Variants in PLEKHG1 observed in about 807,000 individuals in gnomAD.
PLEKHG1 encodes the protein pleckstrin homology and RhoGEF domain containing G1.
A neutral mutation model predicts 100.8 loss-of-function variants in PLEKHG1; 44 were observed. The observed-to-expected ratio is 0.44, with a 90% CI of 0.34 to 0.56. The LOEUF is 0.56. PLEKHG1 is among the 20% of genes least tolerant of loss of function. The probability of loss-of-function intolerance (pLI) is 0.01; values close to 1 mark genes in which losing one functional copy is unlikely to be tolerated. For synonymous variants in PLEKHG1, 640 were observed against 662.5 expected, an observed-to-expected ratio of 0.97 and a Z score of 0.52; for missense variants, 1,545 against 1,720.9, an observed-to-expected ratio of 0.90 and a Z score of 1.81.
intron 1 of PLEKHG1, among the ~76,000 whole-genome samples, chr6:150,725,716 T>G (rs143671425): frequency 6.6e-4 from 101 of 152,266 alleles, no homozygotes; most frequent in African/African-American, 2.4e-3. Flanking sequence ...ATCCAAAAAA[T>G]CATTGCCAAG....
chr6:150,785,686 A>G lies in PLEKHG1; in HGVS notation c.513-704A>G, dbSNP rs191797044. 3.7e-4 allele frequency among the ~76,000 whole-genome samples: 57 copies of G among 152,164 alleles called. 1 individual carries two copies. The East Asian group carries it at 8.7e-3, about 23-fold the overall frequency. Reference sequence around the variant, plus strand: ...ACTCTTCCAATGGATTGGAAGCTCCATAAGACCAGAGCCATGGAGTCCCCA... The same window carrying G: ...ACTCTTCCAATGGATTGGAAGCTCCGTAAGACCAGAGCCATGGAGTCCCCA... On this transcript the variant is annotated intron_variant, in intron 3 of 15. Coordinates refer to ENST00000358517, the Ensembl canonical transcript of PLEKHG1.
At chr6:150,670,608 A>C (rs1355524018) in intron 3 of PLEKHG1, among the ~76,000 whole-genome samples, 1 of 152,202 alleles carries the variant, frequency 6.6e-6, no homozygotes, top group Non-Finnish European at 1.5e-5. Flanking sequence ...CTCATTCAGC[A>C]AAACTTTGGA....
intron 3 of PLEKHG1, among the ~76,000 whole-genome samples, chr6:150,693,943 A>G (rs1780444646): frequency 6.6e-6 from 1 of 152,210 alleles, no homozygotes; most frequent in African/African-American, 2.4e-5. Context: ...GATAGTTTAG[A>G]AGTCATTCCC....
chr6:150,649,229 C>G (rs1213876701), intron 2 of PLEKHG1, among the ~76,000 whole-genome samples: 9 of 152,140 alleles, frequency 5.9e-5, no homozygotes. Context: ...ACTCATTTCC[C>G]CATTTTTGAT....
chr6:150,608,576 T>A (rs1460184711), intron 1 of PLEKHG1, among the ~76,000 whole-genome samples: 1 of 152,258 alleles, frequency 6.6e-6, no homozygotes, highest in Non-Finnish European at 1.5e-5. Flanking sequence ...TTGGCAAATG[T>A]TCAGAAACTA....
chr6:150,805,637 C>G lies in PLEKHG1; in HGVS notation c.912+896C>G, dbSNP rs2128666665. 3.9e-5 allele frequency among the ~76,000 whole-genome samples: 6 copies of G among 152,204 alleles called. 1 individual carries two copies. The Middle Eastern group carries it at 0.02, about 518-fold the overall frequency. ...TCGGCTCCCGGGTTCAAGCGATCCTCCTGCCTCAGCCTCCTTGGTAGTTGG... is the reference window on the plus strand; with the variant it reads ...TCGGCTCCCGGGTTCAAGCGATCCTGCTGCCTCAGCCTCCTTGGTAGTTGG... On this transcript the variant is annotated intron_variant, in intron 7 of 15. Coordinates refer to ENST00000358517, the Ensembl canonical transcript of PLEKHG1.
chr6:150,674,159 G>T (rs2128586147), intron 3 of PLEKHG1, among the ~76,000 whole-genome samples: 1 of 152,162 alleles, frequency 6.6e-6, no homozygotes, highest in South Asian at 2.1e-4. Context: ...CTCTGTTATA[G>T]ATTCAACCCT....
exon 16 of PLEKHG1, chr6:150,840,276 A>G: frequency 6.2e-7 from 1 of 1,614,198 alleles, no homozygotes; most frequent in South Asian, 1.1e-5. Context: ...GCCTTATCAC[A>G]GGTCCCAGTC....
chr6:150,768,293 T>C (rs998011949), intron 2 of PLEKHG1, among the ~76,000 whole-genome samples: 1 of 152,218 alleles, frequency 6.6e-6, no homozygotes, highest in Non-Finnish European at 1.5e-5. Flanking sequence ...TTTTAGAGTA[T>C]GTTTTAATCA....
At chr6:150,750,084 A>C (rs1328243316) in intron 2 of PLEKHG1, among the ~76,000 whole-genome samples, 1 of 152,002 alleles carries the variant, frequency 6.6e-6, no homozygotes, top group East Asian at 1.9e-4. Context: ...AAAAAAAAGA[A>C]AATATCTACT....
chr6:150,644,375 C>T (rs1370170228), intron 2 of PLEKHG1, among the ~76,000 whole-genome samples: 1 of 123,934 alleles, frequency 8.1e-6, no homozygotes, highest in East Asian at 2.5e-4. Context: ...CACTCTGTCA[C>T]CCAGGCTGGA....
chr6:150,663,555 CTTT>C (rs751233206), intron 3 of PLEKHG1: 7 of 138,274 alleles, frequency 5.1e-5, no homozygotes, highest in Non-Finnish European at 4.7e-5. Context: ...CTCTCTCTCT[CTTT>C]TTTTTTTTTT....
exon 8 of PLEKHG1, chr6:150,809,118 T>G (rs778222692): frequency 1.9e-6 from 3 of 1,613,764 alleles, no homozygotes; most frequent in Admixed American, 3.3e-5. Flanking sequence ...ATACAGAGTT[T>G]GCTCACTAAC....
chr6:150,674,682 T>TCTCTCTCTCTCTCTC (rs1455673564), intron 3 of PLEKHG1, among the ~76,000 whole-genome samples: 1 of 104,234 alleles, frequency 9.6e-6, no homozygotes, highest in East Asian at 2.6e-4. Context: ...TCTCTCTCTC[T>TCTCTCTCTCTCTCTC]CCCCCCTCTT....
intron 1 of PLEKHG1, among the ~76,000 whole-genome samples, chr6:150,622,324 T>C (rs1265282722): frequency 1.3e-5 from 2 of 152,204 alleles, no homozygotes; most frequent in African/African-American, 4.8e-5. Flanking sequence ...AGAGGCAACA[T>C]TCCCAGCCTT....
chr6:150,686,252 C>G (rs6929743), intron 3 of PLEKHG1, among the ~76,000 whole-genome samples: 44,874 of 152,172 alleles, frequency 0.29, 8,208 homozygotes, highest in African/African-American at 0.52. Context: ...TTACTTGATT[C>G]GGATTTTTAT....
chr6:150,774,305 G>A (rs771311931), intron 3 of PLEKHG1, among the ~76,000 whole-genome samples: 34 of 152,030 alleles, frequency 2.2e-4, no homozygotes, highest in Admixed American at 1.8e-3. Context: ...GTTTGCTATG[G>A]ATTTAGACAA....
chr6:150,679,857 G>C (rs78669550), intron 3 of PLEKHG1, among the ~76,000 whole-genome samples: 1 of 152,180 alleles, frequency 6.6e-6, no homozygotes, highest in Non-Finnish European at 1.5e-5. Flanking sequence ...GGAGGTGATC[G>C]CCATGCTGAG....
intron 3 of PLEKHG1, among the ~76,000 whole-genome samples, chr6:150,688,233 T>C (rs1433142276): frequency 6.6e-6 from 1 of 152,178 alleles, no homozygotes; most frequent in Non-Finnish European, 1.5e-5. Flanking sequence ...ATTACTGAGC[T>C]TCAGGCAGCA....
Sources: gnomAD v4.1 joint callset for allele counts (sites outside exome capture counted in the v4.1 genomes callset) on GRCh38, gnomAD v4.1.1 for gene constraint, MANE v1.5 for transcripts, NCBI Gene and HGNC (gene_info 2026-07-23, HGNC 2026-07-21) for gene names.